The following FGF1 variants were observed in gnomAD, a reference collection of about 807,000 sequenced individuals.
FGF1 encodes the protein fibroblast growth factor 1, also known as beta-endothelial cell growth factor.
A neutral mutation model predicts 13.4 loss-of-function variants in FGF1; 9 were observed. That is an observed-to-expected ratio of 0.67 (90% CI 0.40 to 1.17). The LOEUF (loss-of-function observed/expected upper bound fraction) is 1.17. FGF1 is among the 50% of genes most tolerant of loss of function. FGF1 has a pLI of 0.01. For synonymous variants in FGF1, 93 were observed against 79.0 expected (o/e 1.18, Z -0.94); for missense variants, 156 against 192.7 (o/e 0.81, Z 1.13).
chr5:142,607,635 A>G (rs1225992861), intron 2 of FGF1, among the ~76,000 whole-genome samples: 2 of 152,174 alleles, frequency 1.3e-5, no homozygotes, highest in African/African-American at 4.8e-5. Context: ...TACTTGGTGG[A>G]TTTGTGACTG....
chr5:142,638,757 A>C (rs929565348), intron 1 of FGF1, among the ~76,000 whole-genome samples: 2 of 152,094 alleles, frequency 1.3e-5, no homozygotes, highest in African/African-American at 4.8e-5. Flanking sequence ...GCAATGGGAG[A>C]AAATATTTGC....
At position 142,693,702 on chromosome 5, in the gene FGF1, GC is replaced by G. The variant is rs372944224; in HGVS notation, c.-35+3919del. On this transcript the variant is annotated intron_variant, in intron 2 of 4. Coordinates refer to the FGF1 transcript ENST00000407758. ...AGTTCATTCCCCATTCCTCCCTCCT[GC>G]CAGGCCTAAGCAACCACTCATCTAC... Among the ~76,000 whole-genome samples the G allele has an allele frequency of 2.0e-4, 30 of 152,090 alleles. No individual in the cohort carries two copies. The East Asian group carries it at 5.8e-3, about 29-fold the overall frequency.
chr5:142,692,878 T>A (rs1227909761), intron 2 of FGF1, among the ~76,000 whole-genome samples: 1 of 152,188 alleles, frequency 6.6e-6, no homozygotes, highest in Non-Finnish European at 1.5e-5. Flanking sequence ...GATCCCCAGT[T>A]TCTTATTTAA....
chr5:142,651,152 C>T (rs1182982642), intron 1 of FGF1, among the ~76,000 whole-genome samples: 1 of 151,964 alleles, frequency 6.6e-6, no homozygotes, highest in Non-Finnish European at 1.5e-5. Context: ...AACCCAGGGG[C>T]ACCTGGTATC....
At chr5:142,616,103 A>G (rs994996604) in intron 1 of FGF1, among the ~76,000 whole-genome samples, 2 of 152,214 alleles carry the variant, frequency 1.3e-5, no homozygotes, top group African/African-American at 4.8e-5. Flanking sequence ...CTAACCATCC[A>G]TCAGTGCCTG....
At chr5:142,683,574 C>T (rs1319134768) in intron 1 of FGF1, among the ~76,000 whole-genome samples, 2 of 152,020 alleles carry the variant, frequency 1.3e-5, no homozygotes, top group Non-Finnish European at 2.9e-5. Flanking sequence ...CACCTGTAAT[C>T]CTAGCACTTT....
chr5:142,606,518 G>T (rs1387676496), intron 2 of FGF1, among the ~76,000 whole-genome samples: 3 of 151,994 alleles, frequency 2.0e-5, no homozygotes, highest in Admixed American at 2.0e-4. Context: ...AGCTACTCGG[G>T]AGGCTGAGGC....
chr5:142,670,405 C>A (rs1167812624), intron 1 of FGF1, among the ~76,000 whole-genome samples: 1 of 152,134 alleles, frequency 6.6e-6, no homozygotes, highest in Non-Finnish European at 1.5e-5. Context: ...CCTTCAAGGC[C>A]TATGTCAAAT....
At chr5:142,672,261 T>G (rs1771610896) in intron 1 of FGF1, among the ~76,000 whole-genome samples, 1 of 152,160 alleles carries the variant, frequency 6.6e-6, no homozygotes, top group African/African-American at 2.4e-5. Context: ...TTCCTGAAAT[T>G]TTCTATTTCC....
chr5:142,646,573 A>G (rs533759723), intron 1 of FGF1, among the ~76,000 whole-genome samples: 79 of 151,332 alleles, frequency 5.2e-4, no homozygotes, highest in Non-Finnish European at 8.6e-4. Flanking sequence ...GGCTAGTCTC[A>G]AACGCCTGAC....
chr5:142,607,678 C>T (rs907431013), intron 2 of FGF1, among the ~76,000 whole-genome samples: 1 of 152,140 alleles, frequency 6.6e-6, no homozygotes, highest in Admixed American at 6.5e-5. Context: ...GAGTCCTGCT[C>T]CTTTACTAAG....
chr5:142,611,919 C>T (rs1759143912), intron 2 of FGF1, among the ~76,000 whole-genome samples: 1 of 152,146 alleles, frequency 6.6e-6, no homozygotes, highest in Non-Finnish European at 1.5e-5. Flanking sequence ...ATGATAACTG[C>T]AATATGAACC....
At chr5:142,656,648 G>A (rs1367919565) in intron 1 of FGF1, among the ~76,000 whole-genome samples, 1 of 152,204 alleles carries the variant, frequency 6.6e-6, no homozygotes, top group Non-Finnish European at 1.5e-5. Context: ...GCTTCAGAAT[G>A]GAGTGATAAA....
intron 1 of FGF1, among the ~76,000 whole-genome samples, chr5:142,635,747 G>A (rs770399265): frequency 2.0e-5 from 3 of 152,162 alleles, no homozygotes; most frequent in Admixed American, 6.5e-5. Context: ...GTCGGGGCTG[G>A]CACCCACATG....
chr5:142,596,670 A>G (rs996980098), intron 3 of FGF1, among the ~76,000 whole-genome samples: 1 of 151,834 alleles, frequency 6.6e-6, no homozygotes, highest in African/African-American at 2.4e-5. Flanking sequence ...GCTCGACCCC[A>G]GGAGTTTGAG....
At chr5:142,668,693 A>G (rs1164472453) in intron 1 of FGF1, among the ~76,000 whole-genome samples, 1 of 152,254 alleles carries the variant, frequency 6.6e-6, no homozygotes, top group Non-Finnish European at 1.5e-5. Context: ...AAGATAGTGC[A>G]AGGGAAGCAC....
chr5:142,690,177 C>A (rs1354077193), upstream of FGF1, among the ~76,000 whole-genome samples: 1 of 151,050 alleles, frequency 6.6e-6, no homozygotes, highest in Admixed American at 6.6e-5. Context: ...AAAAATTAGC[C>A]GGGCGTGGTG....
chr5:142,638,253 T>G (rs1205123314), intron 1 of FGF1, among the ~76,000 whole-genome samples: 1 of 152,018 alleles, frequency 6.6e-6, no homozygotes, highest in Non-Finnish European at 1.5e-5. Context: ...CCATGCTTAC[T>G]CTCACCTTGA....
chr5:142,638,502 T>C (rs1597261061), intron 1 of FGF1, among the ~76,000 whole-genome samples: 2 of 152,062 alleles, frequency 1.3e-5, no homozygotes, highest in East Asian at 1.9e-4. Context: ...TTAATAAATA[T>C]GTGTTGACTC....
Sources: allele counts gnomAD v4.1 joint callset (sites outside exome capture counted in the v4.1 genomes callset), GRCh38; gene constraint gnomAD v4.1.1; transcripts MANE v1.5; gene names NCBI Gene and HGNC (gene_info 2026-07-23, HGNC 2026-07-21).